The following BAZ1A variants were observed in gnomAD, a reference collection of about 807,000 sequenced individuals.
BAZ1A encodes the protein bromodomain adjacent to zinc finger domain 1A.
A neutral mutation model predicts 185.2 loss-of-function variants in BAZ1A; 50 were observed. The ratio of observed to expected loss-of-function variants is 0.27; its 90% CI spans 0.22 to 0.34. The LOEUF is 0.34. BAZ1A is among the 10% of genes least tolerant of loss of function. BAZ1A has a pLI of 1.00. For missense variants in BAZ1A, 1,356 were observed against 1,839.9 expected, an observed-to-expected ratio of 0.74 and a Z score of 4.81; for synonymous variants, 571 against 615.6, an observed-to-expected ratio of 0.93 and a Z score of 1.07.
intron 4 of BAZ1A, 36 bp downstream of exon 4, chr14:34,825,977 T>G (rs1446712285): frequency 1.3e-6 from 2 of 1,494,180 alleles, no homozygotes; most frequent in Non-Finnish European, 1.8e-6. Context: ...TTAGGCAATC[T>G]GCCAAATAAT....
chr14:34,763,412 T>A (rs1298067705), intron 23 of BAZ1A, among the ~76,000 whole-genome samples: 3 of 143,390 alleles, frequency 2.1e-5, no homozygotes, highest in African/African-American at 5.2e-5. Flanking sequence ...AGAATGGGGT[T>A]CAAATGTTTA....
chr14:34,797,813 GAGGGCGAGCCGAAGC>G (rs1334476951), intron 9 of BAZ1A, among the ~76,000 whole-genome samples: 7 of 152,158 alleles, frequency 4.6e-5, no homozygotes, highest in African/African-American at 1.4e-4. Flanking sequence ...GGTGCCCATG[GAGGGCGAGCCGAAGC>G]AGGGCGAGCC....
At chr14:34,854,007 G>A (rs867345251) in intron 3 of BAZ1A, among the ~76,000 whole-genome samples, 2 of 152,168 alleles carry the variant, frequency 1.3e-5, no homozygotes, top group African/African-American at 4.8e-5. Context: ...TGTGCTGAAG[G>A]CACAATTCAA....
intron 9 of BAZ1A, among the ~76,000 whole-genome samples, chr14:34,798,269 T>A (rs1192237441): frequency 1.3e-5 from 2 of 152,234 alleles, no homozygotes; most frequent in Admixed American, 1.3e-4. Context: ...GGGGGCAGGG[T>A]GTAGCTGAAC....
rs41301471 is a variant in BAZ1A, at chr14:34,771,376, T to C, written c.3301+135A>G. ...ATAAATCTCACCTTAAAAGAACTCATTTAAAAATGAAAACATCTCAAGTTT... is the reference window on the plus strand; with the variant it reads ...ATAAATCTCACCTTAAAAGAACTCACTTAAAAATGAAAACATCTCAAGTTT... On this transcript the variant is annotated intron_variant, in intron 21 of 26. Coordinates refer to ENST00000360310, the MANE Select transcript of BAZ1A (RefSeq NM_013448.3). 72,535 of 858,392 alleles carry C rather than the reference T, an allele frequency of 0.085. 3,603 individuals are homozygous for C. The highest frequency in any genetic ancestry group is 0.1 in the Middle Eastern group (406 of 3,896). 53.2% of individuals were successfully genotyped at this position (858,392 alleles called of 1,614,324 possible).
At chr14:34,868,778 G>A (rs2042902485) in intron 2 of BAZ1A, among the ~76,000 whole-genome samples, 4 of 151,658 alleles carry the variant, frequency 2.6e-5, no homozygotes, top group Admixed American at 2.6e-4. Context: ...TCCAGCCTGG[G>A]CGACACAGTG....
intron 6 of BAZ1A, 50 bp downstream of exon 6, chr14:34,807,396 AACACT>A (rs1190160731): frequency 2.3e-6 from 3 of 1,293,604 alleles, no homozygotes; most frequent in Non-Finnish European, 3.3e-6. Flanking sequence ...ATAACTTTAT[AACACT>A]ACCCATTTTG....
Position 34,801,201 on chromosome 14 carries a change from A to G in BAZ1A, c.862-8T>C. 6.3e-7 allele frequency: 1 copy of G among 1,585,944 alleles called. No individual in the cohort carries two copies. The highest frequency in any genetic ancestry group is 8.6e-7 in the Non-Finnish European group (1 of 1,162,164). On this transcript the variant is annotated splice_region_variant and splice_polypyrimidine_tract_variant and intron_variant, in intron 7 of 26. Coordinates refer to ENST00000360310, the MANE Select transcript of BAZ1A (RefSeq NM_013448.3). Reference sequence around the variant, plus strand: ...ATTAGCAACATTGTCCTCCTAAAAAACAAACCAAAATAGTATGCCTGGTTC... The same window carrying G: ...ATTAGCAACATTGTCCTCCTAAAAAGCAAACCAAAATAGTATGCCTGGTTC...
rs1046169190 is a variant in BAZ1A, at chr14:34,874,991, A to AC, written c.-59+146dup. 13 of 151,758 alleles carry AC rather than the reference A, an allele frequency of 8.6e-5. No homozygotes were observed. Among genetic ancestry groups the AC allele is most frequent in the African/African-American group, 2.7e-4 (11 of 40,834 alleles). 9.4% of individuals were successfully genotyped at this position (151,758 alleles called of 1,614,324 possible). On this transcript the variant is annotated intron_variant, in intron 1 of 26. Transcript: ENST00000360310. The surrounding 1 kb of genome is among the most constrained non-coding windows in gnomAD (Gnocchi z 4.7). Reference sequence around the variant, plus strand: ...CTCGCCCGCCGCCGCCGCCAGGCTCACAACGTGCTCGGCGCGCAGCTGGCC... The same window carrying AC: ...CTCGCCCGCCGCCGCCGCCAGGCTCACCAACGTGCTCGGCGCGCAGCTGGCC...
chr14:34,784,367 CAA>C (rs368815964), intron 14 of BAZ1A, among the ~76,000 whole-genome samples: 115 of 77,126 alleles, frequency 1.5e-3, no homozygotes, highest in African/African-American at 5.1e-3. Flanking sequence ...GACTCTGTCT[CAA>C]AAAAAAAAAA....
At chr14:34,756,114 T>C (rs534051404) in intron 25 of BAZ1A, among the ~76,000 whole-genome samples, 2 of 119,724 alleles carry the variant, frequency 1.7e-5, no homozygotes, top group African/African-American at 5.8e-5. Context: ...CTGGTTTTTT[T>C]CTTTTTTTTT....
chr14:34,783,279 A>G, intron 15 of BAZ1A, 47 bp from the exon 16 acceptor site: 1 of 1,147,238 alleles, frequency 8.7e-7, no homozygotes, highest in South Asian at 1.4e-5. Context: ...GCACATATAC[A>G]TTTCACTTTT....
rs528534352 is a variant in BAZ1A, at chr14:34,757,891, C to T, written c.4386+813G>A. Among the ~76,000 whole-genome samples, 793 of 150,728 alleles carry T rather than the reference C, an allele frequency of 5.3e-3. 4 individuals carry two copies. The highest frequency in any genetic ancestry group is 0.01 in the Middle Eastern group (3 of 290). On this transcript the variant is annotated intron_variant, in intron 25 of 26. Transcript: ENST00000360310. ...CCTCCCAAGTAGCGGGGACTACAGGCGCCTGCCACCACGCCTGGCTAATTT... is the reference window on the plus strand; with the variant it reads ...CCTCCCAAGTAGCGGGGACTACAGGTGCCTGCCACCACGCCTGGCTAATTT...
chr14:34,756,254 C>T (rs1030461617), intron 25 of BAZ1A, among the ~76,000 whole-genome samples: 1 of 151,318 alleles, frequency 6.6e-6, no homozygotes, highest in African/African-American at 2.4e-5. Flanking sequence ...GCTGGGACTA[C>T]AGGTGTGTGC....
intron 6 of BAZ1A, among the ~76,000 whole-genome samples, chr14:34,806,367 G>A (rs1157768506): frequency 6.6e-6 from 1 of 152,024 alleles, no homozygotes; most frequent in Non-Finnish European, 1.5e-5. Flanking sequence ...GTGTCATGGG[G>A]GTTCTGTTGT....
intron 25 of BAZ1A, among the ~76,000 whole-genome samples, chr14:34,757,911 T>TG (rs1886333589): frequency 6.6e-6 from 1 of 150,940 alleles, no homozygotes; most frequent in Non-Finnish European, 1.5e-5. Flanking sequence ...CACGCCTGGC[T>TG]AATTTTTTTG....
chr14:34,798,168 G>A (rs896415077), intron 9 of BAZ1A, among the ~76,000 whole-genome samples: 1 of 152,266 alleles, frequency 6.6e-6, no homozygotes, highest in African/African-American at 2.4e-5. Context: ...GCTGAGGCTT[G>A]AGTAGGTAAA....
chr14:34,821,939 G>A (rs1018085123), intron 4 of BAZ1A, among the ~76,000 whole-genome samples: 5 of 151,746 alleles, frequency 3.3e-5, no homozygotes, highest in South Asian at 2.1e-4. Flanking sequence ...AGCCAAGATC[G>A]CACCATTGCA....
At chr14:34,784,619 G>A (rs1169536095) in intron 14 of BAZ1A, among the ~76,000 whole-genome samples, 6 of 151,148 alleles carry the variant, frequency 4.0e-5, no homozygotes, top group South Asian at 2.1e-4. Flanking sequence ...CCGGGTTCAC[G>A]CCATTCTCCT....
Sources: allele counts gnomAD v4.1 joint callset (sites outside exome capture counted in the v4.1 genomes callset), GRCh38; gene constraint gnomAD v4.1.1; non-coding constraint Gnocchi (gnomAD v3.1); transcripts MANE v1.5; gene names NCBI Gene and HGNC (gene_info 2026-07-23, HGNC 2026-07-21).